Variants in PARD3 observed in about 807,000 individuals in gnomAD.
The protein encoded by PARD3 is par-3 family cell polarity regulator, also known as partitioning defective 3 homolog.
PARD3 carries 75 observed loss-of-function variants against 155.4 expected under a neutral mutation model. That is an observed-to-expected ratio of 0.48 (90% CI 0.40 to 0.58). PARD3 has a LOEUF of 0.58. Among genes scored for constraint, PARD3 ranks in the 20% least tolerant of loss-of-function variants. The probability of loss-of-function intolerance (pLI) is 0.00; values close to 1 mark genes in which losing one functional copy is unlikely to be tolerated. For missense variants in PARD3, 1,642 were observed against 1,721.7 expected (o/e 0.95, Z 0.82); for synonymous variants, 576 against 610.5 (o/e 0.94, Z 0.83).
intron 7 of PARD3, among the ~76,000 whole-genome samples, chr10:34,390,241 G>A (rs989470427): frequency 2.0e-5 from 3 of 152,208 alleles, no homozygotes. Flanking sequence ...AAACAAATGT[G>A]TATTGGGATT....
intron 1 of PARD3, among the ~76,000 whole-genome samples, chr10:34,797,525 T>A (rs181288708): frequency 4.5e-4 from 68 of 152,322 alleles, no homozygotes; most frequent in African/African-American, 1.5e-3. Flanking sequence ...TCTTCTCTAA[T>A]ACTACTGCTC....
chr10:34,812,925 AAG>A (rs1844383505), intron 1 of PARD3, among the ~76,000 whole-genome samples: 2 of 152,166 alleles, frequency 1.3e-5, no homozygotes, highest in African/African-American at 4.8e-5. Context: ...GTCCGTGACC[AAG>A]GCCCTGCACT....
chr10:34,700,967 T>C (rs375002193), intron 1 of PARD3, among the ~76,000 whole-genome samples: 1 of 151,928 alleles, frequency 6.6e-6, no homozygotes, highest in African/African-American at 2.4e-5. Flanking sequence ...AGAGTGAGAC[T>C]CCATCTCAAA....
intron 22 of PARD3, among the ~76,000 whole-genome samples, chr10:34,145,388 T>G (rs1406590589): frequency 6.6e-6 from 1 of 151,400 alleles, no homozygotes; most frequent in Non-Finnish European, 1.5e-5. Flanking sequence ...TCTCTAATAA[T>G]CTATCCTTTA....
chr10:34,478,533 G>C (rs941545549), intron 3 of PARD3, among the ~76,000 whole-genome samples: 1 of 152,058 alleles, frequency 6.6e-6, no homozygotes, highest in Admixed American at 6.5e-5. Context: ...TAAAGTCAAG[G>C]GGAAAAAAAC....
chr10:34,347,318 T>C (rs1837535902), intron 15 of PARD3, among the ~76,000 whole-genome samples: 1 of 152,218 alleles, frequency 6.6e-6, no homozygotes, highest in Admixed American at 6.5e-5. Context: ...GATCTGTTAG[T>C]AGAAAGCTGA....
At chr10:34,713,778 G>T (rs1020894466) in intron 1 of PARD3, among the ~76,000 whole-genome samples, 1 of 151,736 alleles carries the variant, frequency 6.6e-6, no homozygotes, top group Non-Finnish European at 1.5e-5. Flanking sequence ...AAAAGGAAAA[G>T]AAAAAGGAAA....
intron 21 of PARD3, among the ~76,000 whole-genome samples, chr10:34,281,367 C>T (rs912497673): frequency 6.6e-6 from 1 of 152,092 alleles, no homozygotes; most frequent in African/African-American, 2.4e-5. Flanking sequence ...AATGAGAAGT[C>T]AAAAATAGCA....
At chr10:34,184,119 G>A (rs1357743191) in intron 22 of PARD3, among the ~76,000 whole-genome samples, 1 of 152,180 alleles carries the variant, frequency 6.6e-6, no homozygotes, top group African/African-American at 2.4e-5. Flanking sequence ...TGCTCAGTCT[G>A]CACATCCTTT....
intron 3 of PARD3, among the ~76,000 whole-genome samples, chr10:34,486,639 T>G (rs906302855): frequency 6.6e-6 from 1 of 152,186 alleles, no homozygotes; most frequent in Admixed American, 6.5e-5. Context: ...GTCTTCTAAG[T>G]CAGAGACTGT....
chr10:34,285,405 G>C (rs574272296), intron 20 of PARD3, among the ~76,000 whole-genome samples: 1 of 151,942 alleles, frequency 6.6e-6, no homozygotes, highest in Non-Finnish European at 1.5e-5. Context: ...GCGAGACCTC[G>C]TCTCTACTAA....
chr10:34,638,105 C>T (rs1228295480), intron 2 of PARD3, among the ~76,000 whole-genome samples: 1 of 152,096 alleles, frequency 6.6e-6, no homozygotes, highest in Non-Finnish European at 1.5e-5. Context: ...ATAATTTGGA[C>T]ATTGTGGAGA....
chr10:34,743,169 T>G (rs1436094725), intron 1 of PARD3, among the ~76,000 whole-genome samples: 1 of 152,178 alleles, frequency 6.6e-6, no homozygotes, highest in Non-Finnish European at 1.5e-5. Flanking sequence ...CTAGGTTCCA[T>G]GAAAATGTGT....
chr10:34,382,642 A>C lies in PARD3; in HGVS notation c.1297T>G (p.Ser433Ala). Reference sequence around the variant, plus strand: ...TTCTGAGGTGCCGAGGCTGGAGCGGATGGTGGTTTTCCCGAGGGGTGTGCG... The same window carrying C: ...TTCTGAGGTGCCGAGGCTGGAGCGGCTGGTGGTTTTCCCGAGGGGTGTGCG... ...HSAHPSGKPPSAPASAPQNVF... is the reference protein window; with the variant it reads ...HSAHPSGKPPAAPASAPQNVF... The change falls in exon 9 of 25, where the codon TCC (serine) becomes GCC (alanine). Residue 433 changes from serine to alanine, a missense_variant. Around this residue, in one of 3 missense-constraint regions of PARD3, gnomAD observed 1,529 missense variants for 1,587.3 expected, o/e 0.96. Coordinates refer to ENST00000374788, the MANE Select transcript of PARD3 (RefSeq NM_001184785.2). 1 of 1,614,020 alleles carries C rather than the reference A, an allele frequency of 6.2e-7. No individual in the cohort carries two copies. The highest frequency in any genetic ancestry group is 8.5e-7 in the Non-Finnish European group (1 of 1,180,008).
chr10:34,370,543 A>C (rs1322063723), intron 12 of PARD3, among the ~76,000 whole-genome samples: 1 of 152,140 alleles, frequency 6.6e-6, no homozygotes, highest in Non-Finnish European at 1.5e-5. Flanking sequence ...CTAGGATTAC[A>C]GGTGTGAGCC....
intron 20 of PARD3, among the ~76,000 whole-genome samples, chr10:34,305,101 C>T (rs1435679623): frequency 2.0e-5 from 3 of 152,126 alleles, no homozygotes; most frequent in Admixed American, 2.0e-4. Context: ...CTGTAAAGTT[C>T]TTCATTTCCT....
chr10:34,405,313 T>C (rs1844344251), intron 5 of PARD3, among the ~76,000 whole-genome samples: 1 of 152,070 alleles, frequency 6.6e-6, no homozygotes, highest in African/African-American at 2.4e-5. Context: ...TGTACAAATA[T>C]ACGACATTTT....
intron 3 of PARD3, among the ~76,000 whole-genome samples, chr10:34,482,032 C>CTT (rs58877037): frequency 0.27 from 27,142 of 101,246 alleles, 4,178 homozygotes; most frequent in East Asian, 0.37. Context: ...TAATTTTTAT[C>CTT]TTTTTTTTTT....
At chr10:34,134,139 T>C (rs2132801850) in intron 22 of PARD3, among the ~76,000 whole-genome samples, 1 of 152,306 alleles carries the variant, frequency 6.6e-6, no homozygotes, top group Non-Finnish European at 1.5e-5. Flanking sequence ...GTGTCCTATA[T>C]TGTTGCACTG....
Sources: gnomAD v4.1 joint callset for allele counts (sites outside exome capture counted in the v4.1 genomes callset) on GRCh38, gnomAD v4.1.1 for gene constraint, gnomAD v4.1.1 regional missense constraint, MANE v1.5 for transcripts, NCBI Gene and HGNC (gene_info 2026-07-23, HGNC 2026-07-21) for gene names.